The following MAB21L4 variants were observed in gnomAD, a reference collection of about 807,000 sequenced individuals.
MAB21L4 encodes protein mab-21-like 4.
A neutral mutation model predicts 32.4 loss-of-function variants in MAB21L4; 25 were observed. That is an observed-to-expected ratio of 0.77 (90% CI 0.56 to 1.08). The LOEUF (loss-of-function observed/expected upper bound fraction) is 1.08, where lower values mean the gene tolerates loss of function less well. Among genes scored for constraint, MAB21L4 ranks in the 50% least tolerant of loss-of-function variants. MAB21L4 has a pLI of 0.00. For synonymous variants in MAB21L4, 280 were observed against 276.8 expected, an observed-to-expected ratio of 1.01 and a Z score of -0.11; for missense variants, 638 against 611.0, an observed-to-expected ratio of 1.04 and a Z score of -0.47.
chr2:240,888,602 C>T lies in MAB21L4; in HGVS notation c.941G>A (p.Trp314Ter). 1 of 1,602,440 alleles carries T rather than the reference C, an allele frequency of 6.2e-7. No homozygotes were observed. The highest frequency in any genetic ancestry group is 8.5e-7 in the Non-Finnish European group (1 of 1,175,104). ...ASVLFLAPED[W>*]AELQGAVYRL... Reference sequence around the variant, plus strand: ...GTACACGGCGCCCTGCAGTTCTGCCCAGTCCTCGGGCGCCAGGAAGAGCAC... The same window carrying T: ...GTACACGGCGCCCTGCAGTTCTGCCTAGTCCTCGGGCGCCAGGAAGAGCAC... The change falls in exon 4 of 5, where the codon TGG becomes TAG. Residue 314 changes from tryptophan to a stop codon, truncating the protein, a stop_gained. Transcript: ENST00000388934. LOFTEE classifies it high-confidence loss of function.
intron 4 of MAB21L4, among the ~76,000 whole-genome samples, 188 bp downstream of exon 4, chr2:240,888,104 C>T (rs888529165): frequency 6.6e-6 from 1 of 152,180 alleles, no homozygotes; most frequent in Non-Finnish European, 1.5e-5. Flanking sequence ...AGTGAGGGGA[C>T]CCCCACGGCC....
rs202192987 is a variant in MAB21L4 at position 240,895,852 on chromosome 2, C to T, written c.146G>A (p.Arg49His). 1.6e-4 allele frequency: 249 copies of T among 1,568,224 alleles called. No homozygotes were observed. The highest frequency in any genetic ancestry group is 2.5e-4 in the East Asian group (11 of 44,230). The change falls in exon 1 of 5, where the codon CGC becomes CAC. Residue 49 changes from arginine to histidine, a missense_variant. Transcript: ENST00000388934. Reference protein sequence around the residue: ...AENVLLTVLERVHALDPRFIV... With the variant: ...AENVLLTVLEHVHALDPRFIV... ...GAAGCGGGGGTCCAGGGCATGCACG[C>T]GCTCCAGCACCGTGAGCAGCACGTT...
chr2:240,895,619 C>T lies in MAB21L4; in HGVS notation c.379G>A (p.Asp127Asn). Residue 127 changes from aspartate to asparagine, a missense_variant, in exon 1 of 5, where the codon GAT becomes AAT. Coordinates refer to ENST00000388934, the MANE Select transcript of MAB21L4 (RefSeq NM_001085437.3). Reference protein sequence around the residue: ...GAGLERWTTEDTFTASSEGDA... With the variant: ...GAGLERWTTENTFTASSEGDA... ...CCCTCCGAGGAGGCAGTGAAGGTAT[C>T]CTCGGTGGTCCACCGCTCCAGGCCA... 6.2e-7 allele frequency: 1 copy of T among 1,612,940 alleles called. No homozygotes were observed. The highest frequency in any genetic ancestry group is 8.5e-7 in the Non-Finnish European group (1 of 1,180,012).
intron 1 of MAB21L4, among the ~76,000 whole-genome samples, chr2:240,892,622 C>T (rs556461985): frequency 6.6e-6 from 1 of 151,788 alleles, no homozygotes; most frequent in East Asian, 2.0e-4. Flanking sequence ...GCTCAGCCAC[C>T]CCCGTTTCTG....
At chr2:240,891,836 G>C (rs766386211) in intron 1 of MAB21L4, 73 bp from the exon 2 acceptor site, 28 of 1,596,826 alleles carry the variant, frequency 1.8e-5, no homozygotes, top group Non-Finnish European at 2.2e-5. Flanking sequence ...CCCTCCTCCT[G>C]CTGCCAACTT....
intron 1 of MAB21L4, among the ~76,000 whole-genome samples, chr2:240,895,086 G>A (rs1211712703): frequency 6.6e-6 from 1 of 152,196 alleles, no homozygotes; most frequent in African/African-American, 2.4e-5. Context: ...ACTGGCAAGA[G>A]AGCCGCCTGC....
intron 1 of MAB21L4, among the ~76,000 whole-genome samples, chr2:240,893,738 G>C (rs369196267): frequency 2.4e-5 from 2 of 81,970 alleles, no homozygotes; most frequent in Non-Finnish European, 3.3e-5. Context: ...TTCTCAGGAG[G>C]CACTCTGGGG....
At chr2:240,893,066 G>A (rs373559050) in intron 1 of MAB21L4, among the ~76,000 whole-genome samples, 5 of 152,044 alleles carry the variant, frequency 3.3e-5, no homozygotes, top group South Asian at 2.1e-4. Context: ...AGGAGAGGCC[G>A]CCCCTCCCCT....
chr2:240,891,779 T>G lies in MAB21L4; in HGVS notation c.515-16A>C. On this transcript the variant is annotated splice_polypyrimidine_tract_variant and intron_variant, in intron 1 of 4. Coordinates refer to ENST00000388934, the MANE Select transcript of MAB21L4 (RefSeq NM_001085437.3). ...TTCAGCGAACCTGCAAAGACCCAAGTCACGCCGGCCCCTCGACTTGCCTCA... is the reference window on the plus strand; with the variant it reads ...TTCAGCGAACCTGCAAAGACCCAAGGCACGCCGGCCCCTCGACTTGCCTCA... 6.2e-7 allele frequency: 1 copy of G among 1,604,380 alleles called. No individual in the cohort carries two copies. Among genetic ancestry groups the G allele is most frequent in the Non-Finnish European group, 8.5e-7 (1 of 1,175,640 alleles).
At position 240,891,531 on chromosome 2, in the gene MAB21L4, C is replaced by T. The variant is rs145768853; in HGVS notation, c.740+7G>A. On this transcript the variant is annotated splice_region_variant and intron_variant, in intron 2 of 4. Transcript: ENST00000388934. ...CAAGAACCTTGTGACCAGGAGGGTG[C>T]GCCTACCTCCAGAGCTGGGCGCTGG... 2.0e-3 allele frequency: 3,253 copies of T among 1,599,868 alleles called. 9 individuals are homozygous for T. The highest frequency in any genetic ancestry group is 2.5e-3 in the Non-Finnish European group (2,963 of 1,172,834).
chr2:240,893,822 G>C (rs914245053), intron 1 of MAB21L4, among the ~76,000 whole-genome samples: 1 of 152,118 alleles, frequency 6.6e-6, no homozygotes, highest in East Asian at 1.9e-4. Flanking sequence ...TCACCCCAAT[G>C]GGTGGGCCTG....
Position 240,891,567 on chromosome 2 carries a change from G to T in MAB21L4, c.711C>A (p.Asp237Glu). 6.2e-7 allele frequency: 1 copy of T among 1,610,820 alleles called. No homozygotes were observed. Among genetic ancestry groups the T allele is most frequent in the Non-Finnish European group, 8.5e-7 (1 of 1,179,808 alleles). ...AGAGCTGGGCGCTGGCCGGCACCAG[G>T]TCCACCCCTTGGCTGAGGATCCTTC... ...SLRRILSQGV[D>E]LVPASAQLWR... Residue 237 changes from aspartate (D) to glutamate (E), a missense_variant, in exon 2 of 5, where the codon GAC (aspartate) becomes GAA (glutamate). Asp to Glu is a conservative substitution (Grantham distance 45). Transcript: ENST00000388934.
chr2:240,892,156 C>G, intron 1 of MAB21L4: 10 of 956,806 alleles, frequency 1.0e-5, no homozygotes, highest in Non-Finnish European at 1.3e-5. Flanking sequence ...CTGCCCCAGC[C>G]CTGGGGCCAA....
chr2:240,888,354 G>T lies in MAB21L4; in HGVS notation c.1189C>A (p.Gln397Lys). 10 of 1,577,854 alleles carry T rather than the reference G, an allele frequency of 6.3e-6. No individual in the cohort carries two copies. Among genetic ancestry groups the T allele is most frequent in the South Asian group, 1.2e-5 (1 of 86,238 alleles). Reference protein sequence around the residue: ...RIGSGLKALLQLPASDPTYWA... With the variant: ...RIGSGLKALLKLPASDPTYWA... ...TAAGTGGGGTCACTGGCTGGCAGCT[G>T]CAGGAGCGCCTTGAGCCCGGAGCCG... The change falls in exon 4 of 5, where the codon CAG (glutamine) becomes AAG (lysine). Residue 397 changes from glutamine (Q) to lysine (K), a missense_variant. Coordinates refer to ENST00000388934, the MANE Select transcript of MAB21L4 (RefSeq NM_001085437.3).
intron 3 of MAB21L4, among the ~76,000 whole-genome samples, chr2:240,889,396 C>T (rs1252386701): frequency 6.6e-6 from 1 of 152,142 alleles, no homozygotes; most frequent in Non-Finnish European, 1.5e-5. Flanking sequence ...TGGAGCAGCG[C>T]CCGGCTGGCC....
intron 2 of MAB21L4, 84 bp from the exon 3 acceptor site, chr2:240,890,242 G>C: frequency 6.7e-7 from 1 of 1,497,900 alleles, no homozygotes; most frequent in Non-Finnish European, 8.9e-7. Flanking sequence ...GGAGGTTCGG[G>C]CCCTGGCCAG....
chr2:240,891,966 T>A, intron 1 of MAB21L4: 2 of 1,548,298 alleles, frequency 1.3e-6, no homozygotes, highest in Non-Finnish European at 1.7e-6. Context: ...AGTGAGGAGC[T>A]GGCCACCATG....
Position 240,887,002 on chromosome 2 carries a change from C to G in MAB21L4, c.*68G>C, listed in dbSNP as rs961971966. 2.2e-5 allele frequency: 27 copies of G among 1,207,996 alleles called. No homozygotes were observed. In the South Asian group the frequency reaches 2.9e-4, roughly 13 times the overall value. 74.8% of individuals were successfully genotyped at this position (1,207,996 alleles called of 1,614,324 possible). ...TTTCTTCTTCCAAACATCCCAGGAG[C>G]CTCCCATGGTGCAGTGCAGAGTCTG... On this transcript the variant is annotated 3_prime_UTR_variant, in exon 5 of 5. Transcript: ENST00000388934.
At chr2:240,888,882 T>C (rs1266450876) in intron 3 of MAB21L4, among the ~76,000 whole-genome samples, 3 of 149,160 alleles carry the variant, frequency 2.0e-5, no homozygotes, top group Non-Finnish European at 4.4e-5. Context: ...CCTGCCTGGC[T>C]CTGGCCCTCG....
Sources: allele counts gnomAD v4.1 joint callset (sites outside exome capture counted in the v4.1 genomes callset), GRCh38; gene constraint gnomAD v4.1.1; transcripts MANE v1.5; gene names NCBI Gene and HGNC (gene_info 2026-07-23, HGNC 2026-07-21).